The following SLC2A3 variants were observed in gnomAD, a reference collection of about 807,000 sequenced individuals.
SLC2A3 encodes the protein solute carrier family 2 member 3.
A neutral mutation model predicts 46.4 loss-of-function variants in SLC2A3; 21 were observed. The observed-to-expected ratio is 0.45, with a 90% CI of 0.32 to 0.65. The LOEUF is 0.65. Among genes scored for constraint, SLC2A3 ranks in the 30% least tolerant of loss-of-function variants. The pLI, the probability that SLC2A3 is intolerant of heterozygous loss-of-function variation, is 0.04. For missense variants in SLC2A3, 499 were observed against 623.3 expected (o/e 0.80, Z 2.12); for synonymous variants, 213 against 239.4 (o/e 0.89, Z 1.02).
In SLC2A3 at chr12:7,925,903, C is replaced by G. The variant is rs896125117; in HGVS notation, c.907G>C (p.Glu303Gln). The G allele has an allele frequency of 1.9e-6, 3 of 1,613,824 alleles. No homozygotes were observed. The highest frequency in any genetic ancestry group is 3.3e-5 in the Admixed American group (2 of 59,988). ...GCGCCGATGGTGGCATAGATGGGCTCTTGAACACCTGCATCCTTGAAGATT... is the reference window on the plus strand; with the variant it reads ...GCGCCGATGGTGGCATAGATGGGCTGTTGAACACCTGCATCCTTGAAGATT... ...TGIFKDAGVQ[E>Q]PIYATIGAGV... The change falls in exon 7 of 10, where the codon GAG (glutamate) becomes CAG (glutamine). Residue 303 changes from glutamate (E) to glutamine (Q), a missense_variant. Glu to Gln is a conservative substitution (Grantham distance 29). Around this residue, in one of 5 missense-constraint regions of SLC2A3, gnomAD observed 65 missense variants for 88.4 expected, o/e 0.74. Transcript: ENST00000075120.
chr12:7,925,240 T>G (rs7971471), intron 7 of SLC2A3: 1 of 150,096 alleles, frequency 6.7e-6, no homozygotes, highest in Non-Finnish European at 1.5e-5. Context: ...TTCCTGAGTT[T>G]TGTGAGCCAC....
rs1946136811 is a variant in SLC2A3, at chr12:7,930,150, T to C, written c.674-279A>G. ...ACAGGCATGCGCCCCCATGCCCGGC[T>C]AATTTTGTATTTTTAGTAGAGACAG... On this transcript the variant is annotated intron_variant, in intron 5 of 9. Coordinates refer to ENST00000075120, the MANE Select transcript of SLC2A3 (RefSeq NM_006931.3). 1.2e-5 allele frequency: 7 copies of C among 591,614 alleles called. No homozygotes were observed. In the East Asian group the frequency reaches 2.2e-4, roughly 19 times the overall value. 36.6% of individuals were successfully genotyped at this position (591,614 alleles called of 1,614,324 possible).
At chr12:7,935,345 A>T (rs1946201583) in intron 1 of SLC2A3, among the ~76,000 whole-genome samples, 1 of 152,040 alleles carries the variant, frequency 6.6e-6, no homozygotes, top group Non-Finnish European at 1.5e-5. Context: ...TCAGCTACTC[A>T]GGAGGCTGAG....
chr12:7,930,517 C>G lies in SLC2A3; in HGVS notation c.636G>C (p.Leu212Phe), dbSNP rs1421633898. The G allele has an allele frequency of 6.2e-7, 1 of 1,613,676 alleles. No individual in the cohort carries two copies. The highest frequency in any genetic ancestry group is 8.5e-7 in the Non-Finnish European group (1 of 1,179,790). Residue 212 changes from leucine (L) to phenylalanine (F), a missense_variant, in exon 5 of 10, where the codon TTG becomes TTC. Leu to Phe is a conservative substitution (Grantham distance 22, BLOSUM62 0). Coordinates refer to ENST00000075120, the MANE Select transcript of SLC2A3 (RefSeq NM_006931.3). ...LPFCPESPRF[L>F]LINRKEEENA... The stretch of plus-strand genomic sequence containing the variant: ...TCTCCTCTTCTTTTCTGTTAATGAG[C>G]AAAAATCTGGGACTTTCAGGGCAAA...
chr12:7,923,023 T>A lies in SLC2A3; in HGVS notation c.1070A>T (p.Asp357Val), dbSNP rs767014947. 3 of 1,612,190 alleles carry A rather than the reference T, an allele frequency of 1.9e-6. No individual in the cohort carries two copies. The highest frequency in any genetic ancestry group is 2.7e-5 in the African/African-American group (2 of 74,804). Residue 357 changes from aspartate to valine, a missense_variant and splice_region_variant, in exon 9 of 10, where the codon GAT (aspartate) becomes GTT (valine). By Grantham distance (152) the Asp-to-Val change is radical. Around this residue, in one of 5 missense-constraint regions of SLC2A3, gnomAD observed 179 missense variants for 205.1 expected, o/e 0.87. Coordinates refer to ENST00000075120, the MANE Select transcript of SLC2A3 (RefSeq NM_006931.3). ...GACAAAGCTCATCCCATTATAGTTA[T>A]CCTGTAAGAGCAAGGAACAGAGAAA... ...TLMTVSLLLK[D>V]NYNGMSFVCI...
At chr12:7,934,669 C>T (rs1029519174) in intron 1 of SLC2A3, among the ~76,000 whole-genome samples, 1 of 152,044 alleles carries the variant, frequency 6.6e-6, no homozygotes, top group East Asian at 1.9e-4. Flanking sequence ...ATACCTGAGG[C>T]CAACTTCTAC....
At position 7,921,555 on chromosome 12, in the gene SLC2A3, A is replaced by T. The variant is rs1946037043; in HGVS notation, c.1349T>A (p.Val450Asp). Residue 450 changes from valine (V) to aspartate (D), a missense_variant, in exon 10 of 10, where the codon GTC (valine) becomes GAC (aspartate). Physicochemically the swap from Val to Asp is radical, Grantham distance 152. Around this residue, in one of 5 missense-constraint regions of SLC2A3, gnomAD observed 179 missense variants for 205.1 expected, o/e 0.87. Transcript: ENST00000075120. ...ITFLAFTFFK[V>D]PETRGRTFED... ...AAAAGTCCTGCCACGGGTCTCAGGGACTTTGAAGAAGGTAAAAGCCAAGAA... is the reference window on the plus strand; with the variant it reads ...AAAAGTCCTGCCACGGGTCTCAGGGTCTTTGAAGAAGGTAAAAGCCAAGAA... 1 of 1,613,806 alleles carries T rather than the reference A, an allele frequency of 6.2e-7. No individual in the cohort carries two copies. The highest frequency in any genetic ancestry group is 8.5e-7 in the Non-Finnish European group (1 of 1,179,858).
chr12:7,923,996 G>C (rs962993640), intron 8 of SLC2A3, among the ~76,000 whole-genome samples: 10 of 151,774 alleles, frequency 6.6e-5, no homozygotes, highest in African/African-American at 2.2e-4. Context: ...TTGAACTCTC[G>C]ACATCAGGTG....
At chr12:7,929,392 A>G in intron 6 of SLC2A3, 1 of 387,410 alleles carries the variant, frequency 2.6e-6, no homozygotes, top group Non-Finnish European at 4.6e-6. Flanking sequence ...TCGCTATACT[A>G]GTTGTAAAAA....
At chr12:7,926,800 A>C (rs1282675551) in intron 6 of SLC2A3, among the ~76,000 whole-genome samples, 1 of 152,174 alleles carries the variant, frequency 6.6e-6, no homozygotes, top group Non-Finnish European at 1.5e-5. Flanking sequence ...TGTATTTCCT[A>C]GGCCTAGGCC....
chr12:7,927,748 T>C (rs1186954590), intron 6 of SLC2A3, among the ~76,000 whole-genome samples: 3 of 152,086 alleles, frequency 2.0e-5, no homozygotes, highest in Non-Finnish European at 4.4e-5. Flanking sequence ...CAAAATCTAC[T>C]CATTGACTAA....
In SLC2A3 at chr12:7,921,409, C is replaced by A. The variant is rs151144610; in HGVS notation, c.*4G>T. 5 of 1,613,972 alleles carry A rather than the reference C, an allele frequency of 3.1e-6. No homozygotes were observed. The East Asian group carries it at 6.7e-5, about 22-fold the overall frequency. ...GCCGGGAGGGAGGTGGAAGGAGGCA[C>A]GACTTAGACATTGGTGGTGGTCTCC... is the stretch of plus-strand genomic sequence containing the variant. On this transcript the variant is annotated 3_prime_UTR_variant, in exon 10 of 10. Coordinates refer to ENST00000075120, the MANE Select transcript of SLC2A3 (RefSeq NM_006931.3).
intron 1 of SLC2A3, among the ~76,000 whole-genome samples, chr12:7,935,281 C>G (rs2041890): frequency 6.6e-6 from 1 of 152,002 alleles, no homozygotes; most frequent in Non-Finnish European, 1.5e-5. Context: ...AGAGAAACCC[C>G]GTCTCTACTA....
At chr12:7,921,740 A>T (rs1318331921) in intron 9 of SLC2A3, 109 bp from the exon 10 acceptor site, 3 of 1,198,150 alleles carry the variant, frequency 2.5e-6, no homozygotes, top group Non-Finnish European at 3.5e-6. Flanking sequence ...TAACCCTTCC[A>T]TATTTAATGA....
chr12:7,936,135 G>A lies in SLC2A3; in HGVS notation c.-101C>T. ...TTCAAAATGTCCTTCTCAGCAGCAA[G>A]TTTTCTCCACGTCCTCAGGAAGGAT... is the stretch of plus-strand genomic sequence containing the variant. On this transcript the variant is annotated 5_prime_UTR_variant, in exon 1 of 10. Transcript: ENST00000075120. 1 of 971,928 alleles carries A rather than the reference G, an allele frequency of 1.0e-6. No homozygotes were observed. Among genetic ancestry groups the A allele is most frequent in the Non-Finnish European group, 1.7e-6 (1 of 598,658 alleles). 60.2% of individuals were successfully genotyped at this position (971,928 alleles called of 1,614,324 possible). A position where few individuals can be genotyped will look rare whatever the true frequency, so the allele number is the denominator to read the frequency against.
At chr12:7,922,661 C>T (rs1336931299) in intron 9 of SLC2A3, among the ~76,000 whole-genome samples, 160 bp downstream of exon 9, 1 of 152,110 alleles carries the variant, frequency 6.6e-6, no homozygotes, top group Non-Finnish European at 1.5e-5. Flanking sequence ...CCAGGCTGGT[C>T]TTGAACTCCT....
At chr12:7,927,464 T>A (rs1198340901) in intron 6 of SLC2A3, among the ~76,000 whole-genome samples, 1 of 152,104 alleles carries the variant, frequency 6.6e-6, no homozygotes, top group Admixed American at 6.6e-5. Flanking sequence ...CCAAGCAAGG[T>A]AACCCCTACA....
At chr12:7,930,273 A>T in intron 5 of SLC2A3, 2 of 580,640 alleles carry the variant, frequency 3.4e-6, no homozygotes, top group South Asian at 4.6e-5. Context: ...GAGCCATCAC[A>T]CCCTGCCTGA....
chr12:7,926,233 G>C (rs758454194), intron 6 of SLC2A3, among the ~76,000 whole-genome samples: 1 of 152,122 alleles, frequency 6.6e-6, no homozygotes, highest in South Asian at 2.1e-4. Flanking sequence ...CTGGACTACA[G>C]GTGCCTGCAA....
Sources: allele counts gnomAD v4.1 joint callset (sites outside exome capture counted in the v4.1 genomes callset), GRCh38; gene constraint gnomAD v4.1.1; regional missense constraint gnomAD v4.1.1; transcripts MANE v1.5; gene names NCBI Gene and HGNC (gene_info 2026-07-23, HGNC 2026-07-21).